Variants in SEC24A observed in about 807,000 individuals in gnomAD.
SEC24A encodes the protein protein transport protein Sec24A.
A neutral mutation model predicts 129.4 loss-of-function variants in SEC24A; 93 were observed. That is an observed-to-expected ratio of 0.72 (90% CI 0.61 to 0.85). The LOEUF is 0.85. Among genes scored for constraint, SEC24A ranks in the 40% least tolerant of loss-of-function variants. The pLI is 0.00. For synonymous variants in SEC24A, 460 were observed against 467.3 expected (o/e 0.98, Z 0.20); for missense variants, 1,264 against 1,307.4 (o/e 0.97, Z 0.51).
intron 1 of SEC24A, among the ~76,000 whole-genome samples, chr5:134,655,232 A>G (rs1750199503): frequency 6.6e-6 from 1 of 152,136 alleles, no homozygotes; most frequent in Non-Finnish European, 1.5e-5. Flanking sequence ...AATTTGTACC[A>G]TTATTATAGC....
chr5:134,713,899 G>A (rs1246459472), intron 18 of SEC24A, among the ~76,000 whole-genome samples: 3 of 151,002 alleles, frequency 2.0e-5, no homozygotes, highest in East Asian at 2.0e-4. Flanking sequence ...AAAATTAGCC[G>A]GGTGTGGTGT....
chr5:134,721,475 A>G (rs954909508), intron 21 of SEC24A, among the ~76,000 whole-genome samples: 2 of 151,086 alleles, frequency 1.3e-5, no homozygotes, highest in African/African-American at 4.9e-5. Flanking sequence ...AGGCAGGAGA[A>G]TCGCTTGAAC....
intron 18 of SEC24A, among the ~76,000 whole-genome samples, chr5:134,709,300 C>T (rs1379908375): frequency 6.6e-6 from 1 of 152,114 alleles, no homozygotes; most frequent in Non-Finnish European, 1.5e-5. Flanking sequence ...GTATATGTAA[C>T]TTTATGCTGG....
At chr5:134,703,040 C>T (rs1185125290) in intron 15 of SEC24A, among the ~76,000 whole-genome samples, 4 of 152,264 alleles carry the variant, frequency 2.6e-5, no homozygotes, top group African/African-American at 9.6e-5. Flanking sequence ...GTTGGGATTA[C>T]AGGCATGAGC....
intron 9 of SEC24A, among the ~76,000 whole-genome samples, chr5:134,685,163 A>G (rs965467553): frequency 3.9e-5 from 6 of 151,994 alleles, no homozygotes; most frequent in Non-Finnish European, 8.8e-5. Context: ...TGAAGCCAAC[A>G]GTTCGAGACC....
intron 8 of SEC24A, 91 bp from the exon 9 acceptor site, chr5:134,682,282 T>C (rs2150088181): frequency 1.5e-6 from 1 of 658,146 alleles, no homozygotes; most frequent in East Asian, 2.9e-5. Context: ...AATGAATGTT[T>C]GTCATCTTTT....
chr5:134,718,047 A>T (rs375439474), intron 19 of SEC24A, 22 bp from the exon 20 acceptor site: 1 of 1,567,562 alleles, frequency 6.4e-7, no homozygotes, highest in African/African-American at 1.4e-5. Context: ...TAAAACCTTT[A>T]CTCTTTTACT....
At chr5:134,723,737 G>A (rs1752685200) in intron 22 of SEC24A, 67 bp downstream of exon 22, 4 of 848,882 alleles carry the variant, frequency 4.7e-6, no homozygotes, top group Admixed American at 4.5e-5. Context: ...CCTGACAAGA[G>A]TATAGCAAAA....
chr5:134,711,815 T>TTG (rs566733297), intron 18 of SEC24A, among the ~76,000 whole-genome samples: 71 of 152,104 alleles, frequency 4.7e-4, no homozygotes, highest in African/African-American at 1.6e-3. Flanking sequence ...TGGCGCAATC[T>TTG]TGGCTCACTG....
chr5:134,678,008 G>A (rs1235824047), intron 7 of SEC24A, among the ~76,000 whole-genome samples: 2 of 151,856 alleles, frequency 1.3e-5, no homozygotes, highest in African/African-American at 4.8e-5. Context: ...CCCTTCCCAC[G>A]TATTTACTGT....
At position 134,679,711 on chromosome 5, in the gene SEC24A, G is replaced by A; in HGVS notation, c.1364G>A (p.Cys455Tyr). 6.3e-7 allele frequency: 1 copy of A among 1,588,410 alleles called. No individual in the cohort carries two copies. Among genetic ancestry groups the A allele is most frequent in the Non-Finnish European group, 8.6e-7 (1 of 1,164,028 alleles). The change falls in exon 8 of 23, where the codon TGT becomes TAT. Residue 455 changes from cysteine (C) to tyrosine (Y), a missense_variant. Coordinates refer to ENST00000398844, the MANE Select transcript of SEC24A (RefSeq NM_021982.3). ...LDQRRWKCNLCYRVNDVPEEF... is the reference protein window; with the variant it reads ...LDQRRWKCNLYYRVNDVPEEF... ...CAAAGGAGATGGAAGTGTAACTTAT[G>A]TTATCGAGTCAATGATGGTATGGGA...
chr5:134,700,016 A>G (rs1751954874), intron 15 of SEC24A, among the ~76,000 whole-genome samples: 1 of 149,502 alleles, frequency 6.7e-6, no homozygotes, highest in Admixed American at 6.7e-5. Context: ...TCTTATTTTT[A>G]GTTTTTCATT....
chr5:134,673,720 A>G (rs1580697452), intron 4 of SEC24A, among the ~76,000 whole-genome samples: 1 of 152,096 alleles, frequency 6.6e-6, no homozygotes, highest in Non-Finnish European at 1.5e-5. Flanking sequence ...TCAGCCTCCC[A>G]AAGTGCTGGG....
At position 134,676,055 on chromosome 5, in the gene SEC24A, A is replaced by G; in HGVS notation, c.1184A>G (p.Gln395Arg). The G allele has an allele frequency of 6.2e-7, 1 of 1,612,824 alleles. No individual in the cohort carries two copies. The highest frequency in any genetic ancestry group is 8.5e-7 in the Non-Finnish European group (1 of 1,179,440). ...CGATGCACGCTGACTAGCATTCCTCAGACGCAGGCCTTATTGAATAAAGCC... is the reference window on the plus strand; with the variant it reads ...CGATGCACGCTGACTAGCATTCCTCGGACGCAGGCCTTATTGAATAAAGCC... Reference protein sequence around the residue: ...LFRCTLTSIPQTQALLNKAKL... With the variant: ...LFRCTLTSIPRTQALLNKAKL... The change falls in exon 7 of 23, where the codon CAG becomes CGG. Residue 395 changes from glutamine (Q) to arginine (R), a missense_variant. Physicochemically the swap from Gln to Arg is conservative, Grantham distance 43. Transcript: ENST00000398844.
Position 134,697,126 on chromosome 5 carries a change from G to C in SEC24A, c.1987G>C (p.Asp663His). 1 of 1,482,394 alleles carries C rather than the reference G, an allele frequency of 6.7e-7. No homozygotes were observed. The highest frequency in any genetic ancestry group is 9.3e-7 in the Non-Finnish European group (1 of 1,074,174). The allele number at this position is 1,482,394 out of a possible 1,614,324, so 91.8% of individuals were successfully genotyped here. A position where few individuals can be genotyped will look rare whatever the true frequency, so the allele number is the denominator to read the frequency against. The change falls in exon 14 of 23, where the codon GAT becomes CAT. Residue 663 changes from aspartate (D) to histidine (H), a missense_variant and splice_region_variant. By Grantham distance (81) the Asp-to-His change is moderately conservative. Coordinates refer to ENST00000398844, the MANE Select transcript of SEC24A (RefSeq NM_021982.3). ...TCTCTTTATAATTTATTATAAATAG[G>C]ATATACACATGACACCATCCACTGA... ...EEPNHRSSAK[D>H]IHMTPSTDFY...
chr5:134,721,230 C>A (rs556923090), intron 21 of SEC24A, 140 bp downstream of exon 21: 7 of 595,460 alleles, frequency 1.2e-5, no homozygotes, highest in African/African-American at 1.9e-5. Flanking sequence ...TTGATGGATT[C>A]TATGACTCCA....
chr5:134,684,302 C>CAAA (rs577777007), intron 9 of SEC24A, among the ~76,000 whole-genome samples: 1 of 90,786 alleles, frequency 1.1e-5, no homozygotes, highest in Non-Finnish European at 2.5e-5. Flanking sequence ...AACTCCATCT[C>CAAA]AAAAAAAAAA....
intron 3 of SEC24A, among the ~76,000 whole-genome samples, chr5:134,670,361 A>T (rs1355742667): frequency 6.6e-6 from 1 of 152,240 alleles, no homozygotes; most frequent in Non-Finnish European, 1.5e-5. Context: ...GAAGTTACTG[A>T]CTTTAAACCA....
intron 1 of SEC24A, among the ~76,000 whole-genome samples, chr5:134,654,099 C>T (rs1750155997): frequency 6.6e-6 from 1 of 151,268 alleles, no homozygotes; most frequent in Non-Finnish European, 1.5e-5. Context: ...GTTAAGGCTG[C>T]AATGAGCCAT....
Sources: gnomAD v4.1 joint callset for allele counts (sites outside exome capture counted in the v4.1 genomes callset) on GRCh38, gnomAD v4.1.1 for gene constraint, MANE v1.5 for transcripts, NCBI Gene and HGNC (gene_info 2026-07-23, HGNC 2026-07-21) for gene names.